Variants in ARHGAP1 observed in about 807,000 individuals in gnomAD.
ARHGAP1 encodes the protein rho GTPase-activating protein 1.
A neutral mutation model predicts 52.2 loss-of-function variants in ARHGAP1; 23 were observed. That is an observed-to-expected ratio of 0.44 (90% CI 0.32 to 0.62). The LOEUF (loss-of-function observed/expected upper bound fraction) is 0.62, where lower values mean the gene tolerates loss of function less well. Among genes scored for constraint, ARHGAP1 ranks in the 20% least tolerant of loss-of-function variants. The pLI, the probability that ARHGAP1 is intolerant of heterozygous loss-of-function variation, is 0.05. For missense variants in ARHGAP1, 480 were observed against 560.9 expected, an observed-to-expected ratio of 0.86 and a Z score of 1.46; for synonymous variants, 210 against 228.4, an observed-to-expected ratio of 0.92 and a Z score of 0.73.
chr11:46,698,382 A>C (rs1433910336), intron 1 of ARHGAP1, among the ~76,000 whole-genome samples: 1 of 151,974 alleles, frequency 6.6e-6, no homozygotes, highest in Non-Finnish European at 1.5e-5. Context: ...TGGGTGGGTC[A>C]CCAGAGGTCA....
intron 4 of ARHGAP1, among the ~76,000 whole-genome samples, chr11:46,686,478 G>GCGC (rs2064569328): frequency 6.6e-6 from 1 of 151,774 alleles, no homozygotes; most frequent in African/African-American, 2.4e-5. Context: ...GAGTGCAGTG[G>GCGC]TTCAATCTTG....
At chr11:46,692,741 G>A (rs1389559699) in intron 3 of ARHGAP1, among the ~76,000 whole-genome samples, 3 of 152,084 alleles carry the variant, frequency 2.0e-5, no homozygotes, top group Non-Finnish European at 2.9e-5. Context: ...AGGCTGAAGT[G>A]AAGTGGCGTG....
chr11:46,695,863 C>G, intron 2 of ARHGAP1, 108 bp from the exon 3 acceptor site: 1 of 1,597,274 alleles, frequency 6.3e-7, no homozygotes, highest in Non-Finnish European at 8.6e-7. Flanking sequence ...GCTCCCAGCC[C>G]AAACCTGGGA....
At chr11:46,697,928 G>A (rs1465285767) in intron 1 of ARHGAP1, among the ~76,000 whole-genome samples, 1 of 152,138 alleles carries the variant, frequency 6.6e-6, no homozygotes, top group East Asian at 1.9e-4. Context: ...GGCTGTGGGA[G>A]CTGCTCCCCA....
chr11:46,699,432 C>T (rs2064681612), intron 1 of ARHGAP1, among the ~76,000 whole-genome samples: 1 of 152,168 alleles, frequency 6.6e-6, no homozygotes, highest in Non-Finnish European at 1.5e-5. Flanking sequence ...CAGCCGGGCA[C>T]GGTGGTTCAC....
intron 4 of ARHGAP1, among the ~76,000 whole-genome samples, chr11:46,682,441 TG>T (rs1398309531): frequency 6.6e-6 from 1 of 152,174 alleles, no homozygotes; most frequent in Admixed American, 6.5e-5. Context: ...CCCAACACTT[TG>T]GGAGGCCAAG....
rs949758069 is a variant in ARHGAP1, at chr11:46,695,773, G to A, written c.134-18C>T. The A allele has an allele frequency of 3.9e-6, 6 of 1,552,872 alleles. No homozygotes were observed. In the African/African-American group the frequency reaches 8.2e-5, roughly 21 times the overall value. On this transcript the variant is annotated intron_variant, in intron 2 of 12. Transcript: ENST00000311956. The stretch of plus-strand genomic sequence containing the variant: ...GGAGTCATCTGAGGAACACAGCAGG[G>A]TCAGGGGACAAGCCAGGGGGCTGGC...
Position 46,678,045 on chromosome 11 carries a change from C to T in ARHGAP1, c.*992G>A, listed in dbSNP as rs2064493712. ...ACCTATCAGCACAATCTCTGCCCCT[C>T]CTACGGGCACTCTTAGTCTCTACCC... On this transcript the variant is annotated 3_prime_UTR_variant, in exon 13 of 13. Transcript: ENST00000311956. 1 of 372,868 alleles carries T rather than the reference C, an allele frequency of 2.7e-6. No individual in the cohort carries two copies. The highest frequency in any genetic ancestry group is 1.9e-5 in the South Asian group (1 of 52,128). The allele number at this position is 372,868 out of a possible 1,614,324, so 23.1% of individuals were successfully genotyped here. A position where few individuals can be genotyped will look rare whatever the true frequency, so the allele number is the denominator to read the frequency against.
At chr11:46,700,338 G>A (rs1337913597) in intron 1 of ARHGAP1, among the ~76,000 whole-genome samples, 1 of 152,156 alleles carries the variant, frequency 6.6e-6, no homozygotes, top group African/African-American at 2.4e-5. Flanking sequence ...CAGGAAGAAG[G>A]TAGTGAAAAT....
chr11:46,693,828 T>C (rs1050268167), intron 3 of ARHGAP1, among the ~76,000 whole-genome samples: 6 of 152,158 alleles, frequency 3.9e-5, no homozygotes, highest in African/African-American at 1.2e-4. Flanking sequence ...TGCAAGCCAG[T>C]TGACATCATG....
chr11:46,695,813 C>A, intron 2 of ARHGAP1, 58 bp from the exon 3 acceptor site: 4 of 1,559,342 alleles, frequency 2.6e-6, no homozygotes, highest in Non-Finnish European at 3.5e-6. Context: ...TGCTCTGCCC[C>A]ACAGGCATGC....
Position 46,696,271 on chromosome 11 carries a change from T to G in ARHGAP1, c.-49-115A>C. 14 of 664,858 alleles carry G rather than the reference T, an allele frequency of 2.1e-5. No homozygotes were observed. Among genetic ancestry groups the G allele is most frequent in the Middle Eastern group, 4.2e-4 (1 of 2,356 alleles). The allele number at this position is 664,858 out of a possible 1,614,324, so 41.2% of individuals were successfully genotyped here. On this transcript the variant is annotated intron_variant, in intron 1 of 12. Transcript: ENST00000311956. This position sits in a 1 kb window ranked among gnomAD's most constrained non-coding sequence, Gnocchi z 4.8. ...CCCTCTCCCAGGCTCCCTGTCCCTA[T>G]TCCTCAACACTCCTCATCCCCGCCA...
In ARHGAP1 at chr11:46,681,175, A is replaced by G; in HGVS notation, c.537-66T>C. The G allele has an allele frequency of 6.5e-7, 1 of 1,542,692 alleles. No homozygotes were observed. Among genetic ancestry groups the G allele is most frequent in the African/African-American group, 1.4e-5 (1 of 73,340 alleles). On this transcript the variant is annotated intron_variant, in intron 6 of 12. Coordinates refer to ENST00000311956, the MANE Select transcript of ARHGAP1 (RefSeq NM_004308.5). The surrounding 1 kb of genome is among the most constrained non-coding windows in gnomAD (Gnocchi z 5.7). ...TCCGGTGGCCTCCACTCTCCCCTCAACACCCACCCAGTTCAGACGGAAGCC... is the reference window on the plus strand; with the variant it reads ...TCCGGTGGCCTCCACTCTCCCCTCAGCACCCACCCAGTTCAGACGGAAGCC...
chr11:46,690,498 C>G (rs983114251), intron 3 of ARHGAP1, among the ~76,000 whole-genome samples: 1 of 152,142 alleles, frequency 6.6e-6, no homozygotes, highest in African/African-American at 2.4e-5. Flanking sequence ...TCCCAAGCAG[C>G]TGAGACTACA....
chr11:46,679,974 C>G lies in ARHGAP1; in HGVS notation c.899-198G>C. 9.6e-7 allele frequency: 1 copy of G among 1,042,226 alleles called. No individual in the cohort carries two copies. The highest frequency in any genetic ancestry group is 1.6e-5 in the South Asian group (1 of 61,932). 64.6% of individuals were successfully genotyped at this position (1,042,226 alleles called of 1,614,324 possible). On this transcript the variant is annotated intron_variant, in intron 10 of 12. Coordinates refer to ENST00000311956, the MANE Select transcript of ARHGAP1 (RefSeq NM_004308.5). The surrounding 1 kb of genome is among the most constrained non-coding windows in gnomAD (Gnocchi z 4.4). ...TCCGGCCATCTGGGGAAGTGGGGCCCGGCACACCCCACCGTTATTCCTTGC... is the reference window on the plus strand; with the variant it reads ...TCCGGCCATCTGGGGAAGTGGGGCCGGGCACACCCCACCGTTATTCCTTGC...
At chr11:46,690,176 A>C (rs533988822) in intron 3 of ARHGAP1, among the ~76,000 whole-genome samples, 1 of 151,698 alleles carries the variant, frequency 6.6e-6, no homozygotes, top group South Asian at 2.1e-4. Flanking sequence ...GGAGATCGAG[A>C]CCATCCTGGC....
Position 46,681,492 on chromosome 11 carries a change from A to C in ARHGAP1, c.450-113T>G. ...ACAGAGTCTCCTTCACCCAGGCTGGAGTGTGATCTCAGCTCATTGCAGCCT... is the reference window on the plus strand; with the variant it reads ...ACAGAGTCTCCTTCACCCAGGCTGGCGTGTGATCTCAGCTCATTGCAGCCT... On this transcript the variant is annotated intron_variant, in intron 5 of 12. Transcript: ENST00000311956. The surrounding 1 kb of genome is among the most constrained non-coding windows in gnomAD (Gnocchi z 5.7). 1 of 782,504 alleles carries C rather than the reference A, an allele frequency of 1.3e-6. No individual in the cohort carries two copies. Among genetic ancestry groups the C allele is most frequent in the Non-Finnish European group, 2.2e-6 (1 of 450,048 alleles). 48.5% of individuals were successfully genotyped at this position (782,504 alleles called of 1,614,324 possible). A position where few individuals can be genotyped will look rare whatever the true frequency, so the allele number is the denominator to read the frequency against.
chr11:46,678,929 T>C lies in ARHGAP1; in HGVS notation c.*108A>G. 1 of 1,265,516 alleles carries C rather than the reference T, an allele frequency of 7.9e-7. No individual in the cohort carries two copies. 78.4% of individuals were successfully genotyped at this position (1,265,516 alleles called of 1,614,324 possible). The stretch of plus-strand genomic sequence containing the variant: ...CAGAGGTGGGGGAGAGCATGCCTGA[T>C]GGGTGGCTCCAACATCTCTCTCCAG... On this transcript the variant is annotated 3_prime_UTR_variant, in exon 13 of 13. Transcript: ENST00000311956.
chr11:46,679,577 T>C lies in ARHGAP1; in HGVS notation c.1027+71A>G. ...CCAGCAGTCTTCCCTGGGAGGCGCCTAGGCCCGAAAGCCTGCAGCGCACCT... is the reference window on the plus strand; with the variant it reads ...CCAGCAGTCTTCCCTGGGAGGCGCCCAGGCCCGAAAGCCTGCAGCGCACCT... On this transcript the variant is annotated intron_variant, in intron 11 of 12. Transcript: ENST00000311956. The surrounding 1 kb of genome is among the most constrained non-coding windows in gnomAD (Gnocchi z 4.4). 6.2e-7 allele frequency: 1 copy of C among 1,609,544 alleles called. No individual in the cohort carries two copies. The highest frequency in any genetic ancestry group is 2.2e-5 in the East Asian group (1 of 44,810).
Sources: allele counts gnomAD v4.1 joint callset (sites outside exome capture counted in the v4.1 genomes callset), GRCh38; gene constraint gnomAD v4.1.1; non-coding constraint Gnocchi (gnomAD v3.1); transcripts MANE v1.5; gene names NCBI Gene and HGNC (gene_info 2026-07-23, HGNC 2026-07-21).